Variants in CNTN1 observed in about 807,000 individuals in gnomAD.
CNTN1 encodes contactin-1.
Under a neutral mutation model 126.4 loss-of-function variants are expected in CNTN1, and 38 were observed. The observed-to-expected ratio is 0.30, with a 90% CI of 0.23 to 0.39. The LOEUF is 0.39. CNTN1 is among the 10% of genes least tolerant of loss of function. The pLI, the probability that CNTN1 is intolerant of heterozygous loss-of-function variation, is 1.00. For synonymous variants in CNTN1, 413 were observed against 422.6 expected, an observed-to-expected ratio of 0.98 and a Z score of 0.28; for missense variants, 1,009 against 1,248.4, an observed-to-expected ratio of 0.81 and a Z score of 2.89.
At chr12:40,843,758 T>C (rs1592148800) in intron 1 of CNTN1, among the ~76,000 whole-genome samples, 1 of 152,148 alleles carries the variant, frequency 6.6e-6, no homozygotes, top group East Asian at 1.9e-4. Context: ...CCAAAAAGAA[T>C]ATGTCTGGTT....
chr12:40,693,225 T>C lies in CNTN1; in HGVS notation c.-77+633T>C, dbSNP rs1941348861. Among the ~76,000 whole-genome samples the C allele has an allele frequency of 2.6e-5, 4 of 152,350 alleles. No homozygotes were observed. The South Asian group carries it at 8.3e-4, about 32-fold the overall frequency. ...TCCGTTGAGAAGGCACCGGCCCTTC[T>C]CCACGATCTGCGGCAGGTGGGAGGG... On this transcript the variant is annotated intron_variant, in intron 1 of 23. Coordinates refer to ENST00000551295, the MANE Select transcript of CNTN1 (RefSeq NM_001843.4).
At chr12:40,701,503 TATAA>T (rs1264543710) in intron 1 of CNTN1, among the ~76,000 whole-genome samples, 1 of 152,106 alleles carries the variant, frequency 6.6e-6, no homozygotes, top group East Asian at 1.9e-4. Context: ...AGATGAATAT[TATAA>T]ATAATATTTA....
At chr12:40,857,783 T>C (rs951469495) in intron 1 of CNTN1, among the ~76,000 whole-genome samples, 1 of 152,198 alleles carries the variant, frequency 6.6e-6, no homozygotes, top group Non-Finnish European at 1.5e-5. Context: ...GCCCTTCATA[T>C]TTCCAGAGAT....
intron 17 of CNTN1, among the ~76,000 whole-genome samples, chr12:40,993,565 T>C (rs962361942): frequency 6.6e-6 from 1 of 152,042 alleles, no homozygotes; most frequent in Non-Finnish European, 1.5e-5. Flanking sequence ...CTGGAGACCA[T>C]TGGAATGACG....
At chr12:40,738,786 T>C (rs2136377525) in intron 1 of CNTN1, among the ~76,000 whole-genome samples, 2 of 152,136 alleles carry the variant, frequency 1.3e-5, no homozygotes, top group Middle Eastern at 6.8e-3. Context: ...AGATTTAATG[T>C]TTTGTGTCTA....
chr12:41,035,816 A>G lies in CNTN1; in HGVS notation c.2980+6597A>G, dbSNP rs952499605. ...TAGTGTGTAGTGAGGATACAGAGTC[A>G]TATGGGATGAGGTTGGAGAGGTAAG... On this transcript the variant is annotated intron_variant, in intron 23 of 23. Transcript: ENST00000551295. Among the ~76,000 whole-genome samples the G allele has an allele frequency of 5.9e-5, 9 of 152,284 alleles. No homozygotes were observed. The East Asian group carries it at 9.7e-4, about 16-fold the overall frequency.
At chr12:41,051,893 AACAC>A (rs71078300) in intron 23 of CNTN1, among the ~76,000 whole-genome samples, 14,555 of 134,360 alleles carry the variant, frequency 0.11, 1,368 homozygotes, top group African/African-American at 0.25. Flanking sequence ...ACCCCACACA[AACAC>A]ACACACACAC....
At chr12:40,929,419 G>T (rs918298141) in intron 6 of CNTN1, among the ~76,000 whole-genome samples, 1 of 151,596 alleles carries the variant, frequency 6.6e-6, no homozygotes, top group Non-Finnish European at 1.5e-5. Context: ...ATGCAGTTTG[G>T]CAGATTAATC....
rs191337036 is a variant in CNTN1, at chr12:40,861,293, G to A, written c.-76-47064G>A. The stretch of plus-strand genomic sequence containing the variant: ...CCATTTATAAAACATTAGATGAAAT[G>A]TTTTATCTAATGCTCCTAGCACTAA... On this transcript the variant is annotated intron_variant, in intron 1 of 23. Coordinates refer to ENST00000551295, the MANE Select transcript of CNTN1 (RefSeq NM_001843.4). Among the ~76,000 whole-genome samples the A allele has an allele frequency of 3.5e-3, 529 of 151,954 alleles. 3 individuals are homozygous for A. The highest frequency in any genetic ancestry group is 0.012 in the African/African-American group (506 of 41,452).
Position 41,020,322 on chromosome 12 carries a change from C to G in CNTN1, c.2420-15C>G. ...AATATCTCACTAATAATATAATGTTCTCATAAAATTTCAGCTCCCAGTGAA... is the reference window on the plus strand; with the variant it reads ...AATATCTCACTAATAATATAATGTTGTCATAAAATTTCAGCTCCCAGTGAA... On this transcript the variant is annotated splice_polypyrimidine_tract_variant and intron_variant, in intron 19 of 23. Coordinates refer to ENST00000551295, the MANE Select transcript of CNTN1 (RefSeq NM_001843.4). 6.6e-7 allele frequency: 1 copy of G among 1,513,356 alleles called. No individual in the cohort carries two copies. Among genetic ancestry groups the G allele is most frequent in the East Asian group, 2.3e-5 (1 of 44,224 alleles). 93.7% of individuals were successfully genotyped at this position (1,513,356 alleles called of 1,614,324 possible).
intron 16 of CNTN1, among the ~76,000 whole-genome samples, chr12:40,985,533 G>T (rs747903744): frequency 2.0e-5 from 3 of 151,982 alleles, no homozygotes; most frequent in Admixed American, 1.3e-4. Flanking sequence ...TAAAAACATT[G>T]TTCTGTTGTC....
At chr12:40,911,454 C>T (rs1004700461) in intron 3 of CNTN1, among the ~76,000 whole-genome samples, 3 of 152,150 alleles carry the variant, frequency 2.0e-5, no homozygotes, top group African/African-American at 7.2e-5. Context: ...CCTGATAAAC[C>T]CATCAGGTCT....
intron 1 of CNTN1, among the ~76,000 whole-genome samples, chr12:40,809,546 C>T (rs928558355): frequency 2.6e-5 from 4 of 152,186 alleles, no homozygotes; most frequent in South Asian, 2.1e-4. Flanking sequence ...ATTTATTGGC[C>T]GGGCACAGTG....
intron 1 of CNTN1, among the ~76,000 whole-genome samples, chr12:40,807,075 A>G (rs1940888006): frequency 6.6e-6 from 1 of 152,072 alleles, no homozygotes; most frequent in Non-Finnish European, 1.5e-5. Context: ...GTGATAATTC[A>G]TACAAAATAA....
intron 1 of CNTN1, among the ~76,000 whole-genome samples, chr12:40,823,537 T>C (rs1053232424): frequency 6.6e-6 from 1 of 152,266 alleles, no homozygotes; most frequent in Non-Finnish European, 1.5e-5. Context: ...ACTGTATATG[T>C]GTAATGCAAA....
intron 1 of CNTN1, among the ~76,000 whole-genome samples, chr12:40,699,308 A>G (rs1341541391): frequency 6.6e-6 from 1 of 152,360 alleles, no homozygotes; most frequent in East Asian, 1.9e-4. Flanking sequence ...TGAAGGATTC[A>G]TATCTTTACC....
At chr12:41,042,008 A>G (rs1387749075) in intron 23 of CNTN1, among the ~76,000 whole-genome samples, 1 of 152,018 alleles carries the variant, frequency 6.6e-6, no homozygotes, top group Non-Finnish European at 1.5e-5. Context: ...TTGTGATGTT[A>G]GGGTGTCAGT....
chr12:40,755,743 G>A (rs1470086819), intron 1 of CNTN1, among the ~76,000 whole-genome samples: 4 of 151,922 alleles, frequency 2.6e-5, no homozygotes, highest in African/African-American at 9.7e-5. Flanking sequence ...TTCCTGGAGT[G>A]ATTAGAGTAG....
intron 1 of CNTN1, among the ~76,000 whole-genome samples, chr12:40,712,144 T>A (rs149440625): frequency 3.5e-4 from 53 of 152,196 alleles, no homozygotes; most frequent in Non-Finnish European, 6.2e-4. Flanking sequence ...CACTAAAATA[T>A]CCTTATTTCA....
Sources: allele counts gnomAD v4.1 joint callset (sites outside exome capture counted in the v4.1 genomes callset), GRCh38; gene constraint gnomAD v4.1.1; transcripts MANE v1.5; gene names NCBI Gene and HGNC (gene_info 2026-07-23, HGNC 2026-07-21).